The following MAN1A2 variants were observed in gnomAD, a reference collection of about 807,000 sequenced individuals.
MAN1A2 encodes the protein mannosidase alpha class 1A member 2.
MAN1A2 carries 26 observed loss-of-function variants against 75.7 expected under a neutral mutation model. The ratio of observed to expected loss-of-function variants is 0.34; its 90% CI spans 0.25 to 0.48. The LOEUF is 0.48. MAN1A2 is among the 20% of genes least tolerant of loss of function. The pLI is 0.99. For synonymous variants in MAN1A2, 247 were observed against 264.6 expected (o/e 0.93, Z 0.65); for missense variants, 562 against 775.5 (o/e 0.72, Z 3.27).
At chr1:117,369,081 C>T (rs1652868585) in intron 1 of MAN1A2, among the ~76,000 whole-genome samples, 1 of 152,116 alleles carries the variant, frequency 6.6e-6, no homozygotes, top group African/African-American at 2.4e-5. Flanking sequence ...TATATGAAAT[C>T]AGTTAAGTTA....
chr1:117,458,497 CTA>C (rs1257024902), intron 6 of MAN1A2, among the ~76,000 whole-genome samples: 18 of 103,806 alleles, frequency 1.7e-4, no homozygotes, highest in Non-Finnish European at 2.1e-4. Flanking sequence ...ATATATATAT[CTA>C]TATATATATA....
chr1:117,482,434 A>G (rs1650528844), intron 8 of MAN1A2, among the ~76,000 whole-genome samples: 1 of 151,908 alleles, frequency 6.6e-6, no homozygotes, highest in African/African-American at 2.4e-5. Context: ...ATGGTATCTC[A>G]TTGTGGTTTT....
intron 1 of MAN1A2, among the ~76,000 whole-genome samples, chr1:117,390,591 T>A (rs1653683671): frequency 6.6e-6 from 1 of 151,904 alleles, no homozygotes; most frequent in Non-Finnish European, 1.5e-5. Flanking sequence ...TTCTCTGTTC[T>A]TTTGTTTTAT....
At chr1:117,458,502 T>TAG (rs952191230) in intron 6 of MAN1A2, among the ~76,000 whole-genome samples, 20 of 106,094 alleles carry the variant, frequency 1.9e-4, no homozygotes, top group African/African-American at 7.4e-4. Flanking sequence ...TATATCTATA[T>TAG]ATATATATAG....
intron 8 of MAN1A2, among the ~76,000 whole-genome samples, chr1:117,468,226 G>A (rs562295655): frequency 6.6e-6 from 1 of 152,178 alleles, no homozygotes; most frequent in East Asian, 1.9e-4. Context: ...CAAGCAAGGC[G>A]GGGAAAAGCC....
At chr1:117,443,425 G>A (rs1649110186) in intron 6 of MAN1A2, among the ~76,000 whole-genome samples, 1 of 152,106 alleles carries the variant, frequency 6.6e-6, no homozygotes, top group Admixed American at 6.6e-5. Context: ...TTGTGTATAC[G>A]CTTGTTCTCG....
At chr1:117,397,697 G>GCT (rs1647228311) in intron 1 of MAN1A2, among the ~76,000 whole-genome samples, 1 of 139,030 alleles carries the variant, frequency 7.2e-6, no homozygotes, top group African/African-American at 2.8e-5. Flanking sequence ...GTTGGCCCAG[G>GCT]CTGGAGTGCA....
chr1:117,487,868 A>AT (rs767731675), intron 8 of MAN1A2, among the ~76,000 whole-genome samples: 3 of 152,060 alleles, frequency 2.0e-5, no homozygotes, highest in South Asian at 2.1e-4. Flanking sequence ...AACTTTTATG[A>AT]TTTTTTTGTG....
chr1:117,447,760 C>T (rs1183615281), intron 6 of MAN1A2, among the ~76,000 whole-genome samples: 2 of 151,814 alleles, frequency 1.3e-5, no homozygotes, highest in Non-Finnish European at 2.9e-5. Context: ...AAAAATCAGT[C>T]CTTAAGGTAT....
rs1652057222 is a variant in MAN1A2 at position 117,527,336 on chromosome 1, G to C, written c.*4379G>C. ...ACTTTATTTACAAAAGCAGATGGAGGGCTGGATTTGGTCCATGGGTCATAG... is the reference window on the plus strand; with the variant it reads ...ACTTTATTTACAAAAGCAGATGGAGCGCTGGATTTGGTCCATGGGTCATAG... On this transcript the variant is annotated 3_prime_UTR_variant, in exon 13 of 13. Transcript: ENST00000356554. The C allele has an allele frequency of 6.6e-6, 1 of 151,900 alleles. No individual in the cohort carries two copies. Among genetic ancestry groups the C allele is most frequent in the South Asian group, 2.1e-4 (1 of 4,826 alleles). 9.4% of individuals were successfully genotyped at this position (151,900 alleles called of 1,614,324 possible). A position where few individuals can be genotyped will look rare whatever the true frequency, so the allele number is the denominator to read the frequency against.
chr1:117,518,897 G>A (rs1429260339), intron 12 of MAN1A2, among the ~76,000 whole-genome samples: 1 of 152,042 alleles, frequency 6.6e-6, no homozygotes, highest in African/African-American at 2.4e-5. Flanking sequence ...CTATTCAAGA[G>A]TGCATGGAAC....
In MAN1A2 at chr1:117,368,389, G is replaced by A; in HGVS notation, c.206G>A (p.Gly69Asp). 6.2e-7 allele frequency: 1 copy of A among 1,614,100 alleles called. No homozygotes were observed. Among genetic ancestry groups the A allele is most frequent in the Non-Finnish European group, 8.5e-7 (1 of 1,180,000 alleles). ...TCAAAACACAAACGCTTTGATTTGG[G>A]TTTAGAAGATGTGTTAATTCCACAT... ...DSSKHKRFDL[G>D]LEDVLIPHVD... The change falls in exon 1 of 13, where the codon GGT becomes GAT. Residue 69 changes from glycine to aspartate, a missense_variant. Coordinates refer to ENST00000356554, the MANE Select transcript of MAN1A2 (RefSeq NM_006699.5).
intron 8 of MAN1A2, among the ~76,000 whole-genome samples, chr1:117,477,171 A>G (rs1650340152): frequency 6.6e-6 from 1 of 151,996 alleles, no homozygotes; most frequent in Non-Finnish European, 1.5e-5. Context: ...GCCCAGGACC[A>G]GACAGATGCA....
intron 5 of MAN1A2, among the ~76,000 whole-genome samples, chr1:117,439,073 A>G (rs1015590460): frequency 6.6e-6 from 1 of 152,224 alleles, no homozygotes; most frequent in African/African-American, 2.4e-5. Context: ...AGAACATTTA[A>G]TAGGCATAGC....
chr1:117,430,121 G>A lies in MAN1A2; in HGVS notation c.855+9472G>A, dbSNP rs532259487. On this transcript the variant is annotated intron_variant, in intron 5 of 12. Transcript: ENST00000356554. Reference sequence around the variant, plus strand: ...TCCCTCCCGGACGGGGTAGCTGGCCGGGCTGAGGGGCTCCTCACTTCCCAG... The same window carrying A: ...TCCCTCCCGGACGGGGTAGCTGGCCAGGCTGAGGGGCTCCTCACTTCCCAG... 1.5e-4 allele frequency among the ~76,000 whole-genome samples: 12 copies of A among 77,800 alleles called. 2 individuals carry two copies. The South Asian group carries it at 1.8e-3, about 12-fold the overall frequency. 51.0% of individuals were successfully genotyped at this position (77,800 alleles called of 152,430 possible).
chr1:117,436,250 T>A (rs1648847115), intron 5 of MAN1A2, among the ~76,000 whole-genome samples: 1 of 152,102 alleles, frequency 6.6e-6, no homozygotes. Context: ...CAAACAGGGT[T>A]GACATAATAT....
At position 117,490,870 on chromosome 1, in the gene MAN1A2, A is replaced by G. The variant is rs537543838; in HGVS notation, c.1169-2277A>G. 6.7e-4 allele frequency among the ~76,000 whole-genome samples: 102 copies of G among 152,222 alleles called. 4 individuals are homozygous for G. The South Asian group carries it at 0.019, about 29-fold the overall frequency. On this transcript the variant is annotated intron_variant, in intron 8 of 12. Transcript: ENST00000356554. ...GAAAAGTCTGAATGGTCTGGGTACCATTCAGACCAAACCAGCTACAACATT... is the reference window on the plus strand; with the variant it reads ...GAAAAGTCTGAATGGTCTGGGTACCGTTCAGACCAAACCAGCTACAACATT...
intron 7 of MAN1A2, among the ~76,000 whole-genome samples, chr1:117,461,089 C>G (rs756443880): frequency 2.0e-5 from 3 of 152,030 alleles, no homozygotes; most frequent in Admixed American, 6.6e-5. Context: ...TAGCATTTCT[C>G]TACACCAGCT....
intron 12 of MAN1A2, among the ~76,000 whole-genome samples, chr1:117,512,423 T>G (rs770993041): frequency 6.6e-6 from 1 of 152,046 alleles, no homozygotes; most frequent in East Asian, 1.9e-4. Context: ...TTCTGATAAA[T>G]AGGTCTAGAG....
Sources: allele counts gnomAD v4.1 joint callset (sites outside exome capture counted in the v4.1 genomes callset), GRCh38; gene constraint gnomAD v4.1.1; transcripts MANE v1.5; gene names NCBI Gene and HGNC (gene_info 2026-07-23, HGNC 2026-07-21).